PPP2R3A: variants seen among roughly 807,000 people sequenced by gnomAD.
The protein encoded by PPP2R3A is protein phosphatase 2 regulatory subunit B''alpha, also known as serine/threonine-protein phosphatase 2A regulatory subunit B'' subunit alpha.
A neutral mutation model predicts 106.9 loss-of-function variants in PPP2R3A; 80 were observed. The ratio of observed to expected loss-of-function variants is 0.75; its 90% confidence interval spans 0.62 to 0.90. The LOEUF (loss-of-function observed/expected upper bound fraction) is 0.90, where lower values mean the gene tolerates loss of function less well. Among genes scored for constraint, PPP2R3A ranks in the 40% least tolerant of loss-of-function variants. The pLI is 0.00. For missense variants in PPP2R3A, 1,386 were observed against 1,350.4 expected (o/e 1.03, Z -0.41); for synonymous variants, 483 against 468.3 (o/e 1.03, Z -0.41).
chr3:136,006,984 C>G (rs978885387), intron 2 of PPP2R3A, among the ~76,000 whole-genome samples: 19 of 152,182 alleles, frequency 1.2e-4, no homozygotes, highest in South Asian at 2.1e-4. Flanking sequence ...AAGAAGCCTA[C>G]CTGTCCTTCA....
intron 1 of PPP2R3A, among the ~76,000 whole-genome samples, chr3:135,973,710 A>G (rs950397626): frequency 1.3e-5 from 2 of 152,134 alleles, no homozygotes; most frequent in African/African-American, 2.4e-5. Flanking sequence ...GTTTCACTCT[A>G]TCAGCTTTTA....
chr3:136,076,414 T>C (rs567448659), intron 6 of PPP2R3A, among the ~76,000 whole-genome samples: 167 of 152,320 alleles, frequency 1.1e-3, no homozygotes, highest in Non-Finnish European at 1.7e-3. Flanking sequence ...TTTGTGGTTT[T>C]TGCACATTAT....
intron 9 of PPP2R3A, 122 bp from the exon 10 acceptor site, chr3:136,090,456 G>T: frequency 2.9e-6 from 2 of 695,348 alleles, no homozygotes; most frequent in Non-Finnish European, 4.8e-6. Context: ...CCTTTATGAG[G>T]CATTTAGCAT....
Position 136,082,342 on chromosome 3 carries a change from T to G in PPP2R3A, c.2709T>G (p.Ile903Met), listed in dbSNP as rs1936802761. 1.2e-6 allele frequency: 2 copies of G among 1,610,044 alleles called. No individual in the cohort carries two copies. Among genetic ancestry groups the G allele is most frequent in the South Asian group, 2.2e-5 (2 of 90,994 alleles). Residue 903 changes from isoleucine to methionine, a missense_variant, in exon 8 of 14, where the codon ATT (isoleucine) becomes ATG (methionine). Coordinates refer to ENST00000264977, the MANE Select transcript of PPP2R3A (RefSeq NM_002718.5). ...DYFSYEHFYVIYCKFWELDTD... is the reference protein window; with the variant it reads ...DYFSYEHFYVMYCKFWELDTD... Reference sequence around the variant, plus strand: ...TCTCCTATGAACATTTCTATGTTATTTATTGTAAATTCTGGGAACTAGATA... The same window carrying G: ...TCTCCTATGAACATTTCTATGTTATGTATTGTAAATTCTGGGAACTAGATA...
At chr3:136,038,107 T>C (rs1289710770) in intron 3 of PPP2R3A, among the ~76,000 whole-genome samples, 1 of 152,214 alleles carries the variant, frequency 6.6e-6, no homozygotes, top group African/African-American at 2.4e-5. Context: ...CCTTAAATCT[T>C]TGATTTTTAA....
intron 5 of PPP2R3A, among the ~76,000 whole-genome samples, chr3:136,063,937 A>C (rs1029854714): frequency 6.7e-6 from 1 of 150,322 alleles, no homozygotes; most frequent in Non-Finnish European, 1.5e-5. Context: ...AAAGGATTAT[A>C]AATCATGCTG....
intron 2 of PPP2R3A, chr3:136,022,676 C>G (rs967725612): frequency 9.9e-5 from 79 of 800,308 alleles, no homozygotes; most frequent in Admixed American, 6.6e-4. Flanking sequence ...TGAGAAGGTA[C>G]TATTTTTAGG....
intron 13 of PPP2R3A, among the ~76,000 whole-genome samples, chr3:136,140,442 TAAAAAA>T (rs199699500): frequency 2.6e-4 from 23 of 87,240 alleles, no homozygotes; most frequent in African/African-American, 9.6e-4. Flanking sequence ...TGAGACTCTT[TAAAAAA>T]AAAAAAAAAA....
At chr3:136,057,594 G>A (rs1373476258) in intron 5 of PPP2R3A, among the ~76,000 whole-genome samples, 2 of 152,054 alleles carry the variant, frequency 1.3e-5, no homozygotes, top group African/African-American at 2.4e-5. Context: ...GGTAAATGTG[G>A]TAAATTTTAT....
rs1936802671 is a variant in PPP2R3A at position 136,082,335 on chromosome 3, A to G, written c.2702A>G (p.Tyr901Cys). 5 of 1,607,720 alleles carry G rather than the reference A, an allele frequency of 3.1e-6. No homozygotes were observed. Among genetic ancestry groups the G allele is most frequent in the African/African-American group, 1.3e-5 (1 of 74,780 alleles). The change falls in exon 8 of 14, where the codon TAT (tyrosine) becomes TGT (cysteine). Residue 901 changes from tyrosine to cysteine, a missense_variant. Tyr to Cys is a radical substitution (Grantham distance 194, BLOSUM62 -2). Transcript: ENST00000264977. ...ITDYFSYEHF[Y>C]VIYCKFWELD... ...GATTACTTCTCCTATGAACATTTCTATGTTATTTATTGTAAATTCTGGGAA... is the reference window on the plus strand; with the variant it reads ...GATTACTTCTCCTATGAACATTTCTGTGTTATTTATTGTAAATTCTGGGAA...
At chr3:136,009,232 G>C (rs1453293938) in intron 2 of PPP2R3A, among the ~76,000 whole-genome samples, 1 of 151,888 alleles carries the variant, frequency 6.6e-6, no homozygotes, top group Non-Finnish European at 1.5e-5. Context: ...TATCCCACTG[G>C]GCCTGGAGGG....
intron 2 of PPP2R3A, among the ~76,000 whole-genome samples, chr3:136,003,814 A>T (rs2107792404): frequency 6.6e-6 from 1 of 152,286 alleles, no homozygotes; most frequent in African/African-American, 2.4e-5. Flanking sequence ...AATAATAAGG[A>T]TCAAAATAAC....
chr3:136,026,703 CT>C, intron 2 of PPP2R3A, 128 bp from the exon 3 acceptor site: 1 of 786,094 alleles, frequency 1.3e-6, no homozygotes, highest in Non-Finnish European at 2.0e-6. Context: ...TGCTTACCAC[CT>C]TTAAGAGTAC....
chr3:136,123,490 A>T (rs1459628781), intron 13 of PPP2R3A, among the ~76,000 whole-genome samples: 1 of 152,214 alleles, frequency 6.6e-6, no homozygotes, highest in African/African-American at 2.4e-5. Flanking sequence ...AGTAAATTTT[A>T]AAAGTAACCC....
chr3:136,035,648 C>G (rs185113557), intron 3 of PPP2R3A, among the ~76,000 whole-genome samples: 5 of 152,210 alleles, frequency 3.3e-5, no homozygotes, highest in Admixed American at 1.3e-4. Context: ...GGTGTCACCA[C>G]TCTTAAGATT....
intron 8 of PPP2R3A, 27 bp downstream of exon 8, chr3:136,082,448 T>G: frequency 6.3e-7 from 1 of 1,598,286 alleles, no homozygotes; most frequent in African/African-American, 1.3e-5. Flanking sequence ...ATGCTAAGAC[T>G]TAACCATTTT....
intron 10 of PPP2R3A, among the ~76,000 whole-genome samples, chr3:136,097,819 A>T (rs990594692): frequency 2.7e-5 from 4 of 148,936 alleles, no homozygotes; most frequent in African/African-American, 9.9e-5. Context: ...ATTATTACTT[A>T]AAAAAAAAAG....
In PPP2R3A at chr3:136,035,473, C is replaced by A. The variant is rs576818471; in HGVS notation, c.2263-5386C>A. ...GTTTTTCGGAAAAAGACTATCTTTT[C>A]TTTACATATGAAGCTTAGTTTTGCT... On this transcript the variant is annotated intron_variant, in intron 3 of 13. Coordinates refer to ENST00000264977, the MANE Select transcript of PPP2R3A (RefSeq NM_002718.5). 5.9e-4 allele frequency among the ~76,000 whole-genome samples: 90 copies of A among 152,260 alleles called. 1 individual carries two copies. Among genetic ancestry groups the A allele is most frequent in the African/African-American group, 2.1e-3 (89 of 41,560 alleles).
chr3:136,128,932 G>A (rs1022715597), intron 13 of PPP2R3A, among the ~76,000 whole-genome samples: 10 of 152,068 alleles, frequency 6.6e-5, no homozygotes, highest in East Asian at 1.9e-4. Context: ...GGTACATAAC[G>A]AAATGAAGGC....
Sources: gnomAD v4.1 joint callset for allele counts (sites outside exome capture counted in the v4.1 genomes callset) on GRCh38, gnomAD v4.1.1 for gene constraint, MANE v1.5 for transcripts, NCBI Gene and HGNC (gene_info 2026-07-23, HGNC 2026-07-21) for gene names.